Variants in NR2F2 observed in about 807,000 individuals in gnomAD.
NR2F2 encodes the protein nuclear receptor subfamily 2 group F member 2.
In NR2F2, 2 loss-of-function variants were observed where a neutral mutation model predicts 34.8. The ratio of observed to expected loss-of-function variants is 0.06; its 90% CI spans 0.02 to 0.18. NR2F2 has a LOEUF of 0.18. Among genes scored for constraint, NR2F2 ranks in the 10% least tolerant of loss-of-function variants. The pLI is 1.00. For missense variants in NR2F2, 300 were observed against 580.1 expected (o/e 0.52, Z 4.96); for synonymous variants, 274 against 251.8 (o/e 1.09, Z -0.84).
chr15:96,332,437 T>C lies in NR2F2; in HGVS notation c.332T>C (p.Leu111Pro). 6.2e-7 allele frequency: 1 copy of C among 1,614,194 alleles called. No individual in the cohort carries two copies. The change falls in exon 1 of 3, where the codon CTG becomes CCG. Residue 111 changes from leucine to proline, a missense_variant. Around this residue, in one of 6 missense-constraint regions of NR2F2, gnomAD observed 15 missense variants for 17.1 expected, o/e 0.88. Transcript: ENST00000394166. ...SFFKRSVRRN[L>P]SYTCRANRNC... ...TTCAAGCGCAGCGTGCGGAGGAACCTGAGCTACACGTGCCGCGCCAACCGG... is the reference window on the plus strand; with the variant it reads ...TTCAAGCGCAGCGTGCGGAGGAACCCGAGCTACACGTGCCGCGCCAACCGG...
rs879876864 is a variant in NR2F2, at chr15:96,335,474, C to T, written c.970+871C>T. ...GTCTGGCTTTCCATTTTGGGCCACA[C>T]CTGAGCTTTTTGGCTGCCTCCAGGC... is the stretch of plus-strand genomic sequence containing the variant. On this transcript the variant is annotated intron_variant, in intron 2 of 2. Coordinates refer to ENST00000394166, the MANE Select transcript of NR2F2 (RefSeq NM_021005.4). Among the ~76,000 whole-genome samples, 6 of 152,352 alleles carry T rather than the reference C, an allele frequency of 3.9e-5. No homozygotes were observed. The East Asian group carries it at 7.7e-4, about 20-fold the overall frequency.
In NR2F2 at chr15:96,332,261, A is replaced by C. The variant is rs1899169615; in HGVS notation, c.156A>C (p.Pro52=). 6.5e-7 allele frequency: 1 copy of C among 1,546,436 alleles called. No individual in the cohort carries two copies. Reference sequence around the variant, plus strand: ...GCCAAGGGGGCCCAGCCAGCACGCCAGCCCAGACGGCGGCCGGTGGCCAGG... The same window carrying C: ...GCCAAGGGGGCCCAGCCAGCACGCCCGCCCAGACGGCGGCCGGTGGCCAGG... ...TPGQGGPAST[P]AQTAAGGQGG... Residue 52 remains proline, a synonymous_variant, in exon 1 of 3, where the codon CCA becomes CCC. Coordinates refer to ENST00000394166, the MANE Select transcript of NR2F2 (RefSeq NM_021005.4).
chr15:96,333,811 G>A (rs1250697862), intron 1 of NR2F2: 1 of 1,394,026 alleles, frequency 7.2e-7, no homozygotes, highest in Non-Finnish European at 9.3e-7. Flanking sequence ...GAGGCAAGGT[G>A]GCCAATTCTG....
Position 96,337,501 on chromosome 15 carries a change from C to G in NR2F2, c.1124C>G (p.Ser375Cys). ...LRLPSLRTVS[S>C]SVIEQLFFVR... ...CTCCCTTCCCTCCGCACCGTCTCCT[C>G]CTCAGTCATAGAGCAATTGTTTTTC... is the stretch of plus-strand genomic sequence containing the variant. The change falls in exon 3 of 3, where the codon TCC becomes TGC. Residue 375 changes from serine to cysteine, a missense_variant. Ser to Cys is a moderately radical substitution (Grantham distance 112, BLOSUM62 -1). This residue lies in a region of NR2F2 where 164 missense variants were observed against 365.3 expected (regional missense o/e 0.45). Coordinates refer to ENST00000394166, the MANE Select transcript of NR2F2 (RefSeq NM_021005.4). 1 of 1,614,162 alleles carries G rather than the reference C, an allele frequency of 6.2e-7. No individual in the cohort carries two copies. The highest frequency in any genetic ancestry group is 8.5e-7 in the Non-Finnish European group (1 of 1,180,042).
At chr15:96,336,651 A>C (rs1284313958) in intron 2 of NR2F2, among the ~76,000 whole-genome samples, 1 of 151,420 alleles carries the variant, frequency 6.6e-6, no homozygotes, top group Non-Finnish European at 1.5e-5. Flanking sequence ...TCTCGGAGGG[A>C]CCTGGGTTTT....
In NR2F2 at chr15:96,332,284, A is replaced by C; in HGVS notation, c.179A>C (p.Gln60Pro). Residue 60 changes from glutamine (Q) to proline (P), a missense_variant, in exon 1 of 3, where the codon CAG (glutamine) becomes CCG (proline). Physicochemically the swap from Gln to Pro is moderately conservative, Grantham distance 76 (BLOSUM62 -1). Around this residue, in one of 6 missense-constraint regions of NR2F2, gnomAD observed 105 missense variants for 107.8 expected, o/e 0.97. Transcript: ENST00000394166. ...CCAGCCCAGACGGCGGCCGGTGGCC[A>C]GGGCGGCCCTGGCGGCCCGGGTAGC... ...STPAQTAAGG[Q>P]GGPGGPGSDK... The C allele has an allele frequency of 6.4e-7, 1 of 1,561,256 alleles. No homozygotes were observed. The highest frequency in any genetic ancestry group is 8.7e-7 in the Non-Finnish European group (1 of 1,154,030).
chr15:96,335,926 AGG>A (rs1899312073), intron 2 of NR2F2, among the ~76,000 whole-genome samples: 1 of 152,194 alleles, frequency 6.6e-6, no homozygotes, highest in Admixed American at 6.5e-5. Flanking sequence ...GTGTCTGGGC[AGG>A]GAAGCTGTTT....
rs1899134946 is a variant in NR2F2, at chr15:96,331,335, G to A, written c.-771G>A. On this transcript the variant is annotated 5_prime_UTR_variant, in exon 1 of 3. Coordinates refer to ENST00000394166, the MANE Select transcript of NR2F2 (RefSeq NM_021005.4). ...GACGACGCCGCGCAGCGCCCGACGCGGACCACTTTCATGCTGATTCCCCCG... is the reference window on the plus strand; with the variant it reads ...GACGACGCCGCGCAGCGCCCGACGCAGACCACTTTCATGCTGATTCCCCCG... The A allele has an allele frequency of 1.3e-5, 16 of 1,202,402 alleles. No homozygotes were observed. Among genetic ancestry groups the A allele is most frequent in the Non-Finnish European group, 1.5e-5 (15 of 969,202 alleles). 74.5% of individuals were successfully genotyped at this position (1,202,402 alleles called of 1,614,324 possible).
At chr15:96,327,859 G>A (rs531901532), upstream of NR2F2, among the ~76,000 whole-genome samples, 4 of 152,152 alleles carry the variant, frequency 2.6e-5, no homozygotes, top group Admixed American at 2.0e-4. Context: ...TTAGATTAGG[G>A]CAAATGTTGT....
chr15:96,326,385 C>G (rs1265113122), upstream of NR2F2: 1 of 1,574,458 alleles, frequency 6.4e-7, no homozygotes, highest in East Asian at 2.2e-5. The surrounding 1 kb of genome is among the most constrained non-coding windows in gnomAD (Gnocchi z 5.5). Context: ...TTCTCTCTCT[C>G]TTTCCTTTCT....
Position 96,331,005 on chromosome 15 carries a change from C to A in NR2F2, c.-1101C>A. 6 of 1,223,020 alleles carry A rather than the reference C, an allele frequency of 4.9e-6. No homozygotes were observed. Among genetic ancestry groups the A allele is most frequent in the Non-Finnish European group, 6.1e-6 (6 of 982,264 alleles). The allele number at this position is 1,223,020 out of a possible 1,614,324, so 75.8% of individuals were successfully genotyped here. A position where few individuals can be genotyped will look rare whatever the true frequency, so the allele number is the denominator to read the frequency against. ...CTCTCTCTCTTTTATCATTTCTCCC[C>A]CGCCGCCGGCGAGTTGACTCTTTCC... On this transcript the variant is annotated 5_prime_UTR_variant, in exon 1 of 3. Transcript: ENST00000394166.
rs1483544063 is a variant in NR2F2, at chr15:96,337,810, A to G, written c.*188A>G. 3.2e-6 allele frequency: 1 copy of G among 308,330 alleles called. No homozygotes were observed. The highest frequency in any genetic ancestry group is 5.4e-6 in the Non-Finnish European group (1 of 184,622). 19.1% of individuals were successfully genotyped at this position (308,330 alleles called of 1,614,324 possible). A position where few individuals can be genotyped will look rare whatever the true frequency, so the allele number is the denominator to read the frequency against. On this transcript the variant is annotated 3_prime_UTR_variant, in exon 3 of 3. Coordinates refer to ENST00000394166, the MANE Select transcript of NR2F2 (RefSeq NM_021005.4). Reference sequence around the variant, plus strand: ...AAAAAAGACTGTCAAATGAACTTTTACAGAATGCATTAAAAAAAAAAAAAA... The same window carrying G: ...AAAAAAGACTGTCAAATGAACTTTTGCAGAATGCATTAAAAAAAAAAAAAA...
At position 96,331,758 on chromosome 15, in the gene NR2F2, C is replaced by A; in HGVS notation, c.-348C>A. The A allele has an allele frequency of 1.8e-6, 2 of 1,138,742 alleles. No homozygotes were observed. The highest frequency in any genetic ancestry group is 3.2e-5 in the African/African-American group (2 of 62,444). 70.5% of individuals were successfully genotyped at this position (1,138,742 alleles called of 1,614,324 possible). ...TCGACTTCAGCTCTCCCTCCCCTCCCTCTTTCTCCACGTTCTGCTCCCACT... is the reference window on the plus strand; with the variant it reads ...TCGACTTCAGCTCTCCCTCCCCTCCATCTTTCTCCACGTTCTGCTCCCACT... On this transcript the variant is annotated 5_prime_UTR_variant, in exon 1 of 3. Coordinates refer to ENST00000394166, the MANE Select transcript of NR2F2 (RefSeq NM_021005.4).
chr15:96,331,505 G>C lies in NR2F2; in HGVS notation c.-601G>C, dbSNP rs1400767310. Reference sequence around the variant, plus strand: ...TTTCCTGAATGGCTGACTGTGGGCTGCCCTGGACTTGGCCCCCGGACAGTC... The same window carrying C: ...TTTCCTGAATGGCTGACTGTGGGCTCCCCTGGACTTGGCCCCCGGACAGTC... On this transcript the variant is annotated 5_prime_UTR_variant, in exon 1 of 3. Coordinates refer to ENST00000394166, the MANE Select transcript of NR2F2 (RefSeq NM_021005.4). The C allele has an allele frequency of 1.6e-6, 2 of 1,231,146 alleles. No individual in the cohort carries two copies. The highest frequency in any genetic ancestry group is 2.0e-6 in the Non-Finnish European group (2 of 988,018). 76.3% of individuals were successfully genotyped at this position (1,231,146 alleles called of 1,614,324 possible). A position where few individuals can be genotyped will look rare whatever the true frequency, so the allele number is the denominator to read the frequency against.
At position 96,332,224 on chromosome 15, in the gene NR2F2, C is replaced by A; in HGVS notation, c.119C>A (p.Pro40Gln). ...PGPPPGAPHT[P>Q]QTPGQGGPAS... ...CCGCCGCCCGGCGCCCCGCACACGC[C>A]ACAGACGCCCGGCCAAGGGGGCCCA... is the stretch of plus-strand genomic sequence containing the variant. The change falls in exon 1 of 3, where the codon CCA (proline) becomes CAA (glutamine). Residue 40 changes from proline to glutamine, a missense_variant. Around this residue, in one of 6 missense-constraint regions of NR2F2, gnomAD observed 105 missense variants for 107.8 expected, o/e 0.97. Transcript: ENST00000394166. The A allele has an allele frequency of 6.5e-7, 1 of 1,527,948 alleles. No individual in the cohort carries two copies. Among genetic ancestry groups the A allele is most frequent in the Non-Finnish European group, 8.8e-7 (1 of 1,138,546 alleles). 94.6% of individuals were successfully genotyped at this position (1,527,948 alleles called of 1,614,324 possible).
rs1273028233 is a variant in NR2F2 at position 96,331,035 on chromosome 15, G to A, written c.-1071G>A. ...GCCGGCGAGTTGACTCTTTCCCTAT[G>A]TGTGTGAGGCGGCGGCGGCAGCAGC... On this transcript the variant is annotated 5_prime_UTR_variant, in exon 1 of 3. In the 5' UTR this introduces an upstream ATG that the reference lacks. Coordinates refer to ENST00000394166, the MANE Select transcript of NR2F2 (RefSeq NM_021005.4). 13 of 1,237,770 alleles carry A rather than the reference G, an allele frequency of 1.1e-5. No individual in the cohort carries two copies. The highest frequency in any genetic ancestry group is 1.6e-5 in the African/African-American group (1 of 64,218). The allele number at this position is 1,237,770 out of a possible 1,614,324, so 76.7% of individuals were successfully genotyped here.
intron 1 of NR2F2, chr15:96,333,540 C>G: frequency 9.9e-7 from 1 of 1,009,178 alleles, no homozygotes; most frequent in Non-Finnish European, 1.2e-6. Context: ...GCCAGACCTC[C>G]GCTCTCTGCT....
chr15:96,333,634 C>T, intron 1 of NR2F2: 1 of 1,046,468 alleles, frequency 9.6e-7, no homozygotes, highest in Non-Finnish European at 1.2e-6. Flanking sequence ...TGGCCACAGG[C>T]CGTCTGGGGT....
chr15:96,333,369 G>T lies in NR2F2; in HGVS notation c.443-707G>T, dbSNP rs532236132. The T allele has an allele frequency of 3.0e-6, 3 of 1,001,876 alleles. No homozygotes were observed. The South Asian group carries it at 1.4e-4, about 47-fold the overall frequency. The allele number at this position is 1,001,876 out of a possible 1,614,324, so 62.1% of individuals were successfully genotyped here. ...CGGAGTCAGATAACAGCCTGGGCCC[G>T]AGCCTCGCCGGCTTTCCCCGGCCCT... On this transcript the variant is annotated intron_variant, in intron 1 of 2. Transcript: ENST00000394166.
Sources: allele counts gnomAD v4.1 joint callset (sites outside exome capture counted in the v4.1 genomes callset), GRCh38; gene constraint gnomAD v4.1.1; regional missense constraint gnomAD v4.1.1; non-coding constraint Gnocchi (gnomAD v3.1); transcripts MANE v1.5; gene names NCBI Gene and HGNC (gene_info 2026-07-23, HGNC 2026-07-21).